CAST: variants seen among roughly 807,000 people sequenced by gnomAD.
CAST encodes the protein MIR583 host.
Under a neutral mutation model 119.6 loss-of-function variants are expected in CAST, and 76 were observed. That is an observed-to-expected ratio of 0.64 (90% CI 0.53 to 0.77). The LOEUF (loss-of-function observed/expected upper bound fraction) is 0.77. CAST is among the 30% of genes least tolerant of loss of function. CAST has a pLI of 0.00. For missense variants in CAST, 953 were observed against 946.5 expected (o/e 1.01, Z -0.09); for synonymous variants, 319 against 331.6 (o/e 0.96, Z 0.41).
chr5:96,208,125 A>ATTTTT, the CAST span, among the ~76,000 whole-genome samples: 2 of 132,606 alleles, frequency 1.5e-5, no homozygotes, highest in African/African-American at 5.5e-5. Context: ...ATAGCCTCTG[A>ATTTTT]TTTTTTTTTT....
At chr5:96,232,466 G>T in the CAST span, among the ~76,000 whole-genome samples, 1 of 152,056 alleles carries the variant, frequency 6.6e-6, no homozygotes, top group Non-Finnish European at 1.5e-5. Context: ...AATCTATGGG[G>T]ATCTGCAGAA....
At chr5:96,392,846 C>G in the CAST span, 2 of 745,424 alleles carry the variant, frequency 2.7e-6, no homozygotes, top group South Asian at 3.3e-5. Context: ...GAGCTCATCC[C>G]CTTCACATGT....
At chr5:96,214,268 A>G in the CAST span, among the ~76,000 whole-genome samples, 1 of 152,340 alleles carries the variant, frequency 6.6e-6, no homozygotes, top group South Asian at 2.1e-4. Context: ...CATGATGGCA[A>G]TCTATTTATA....
At chr5:96,348,908 AGGGT>A in the CAST span, among the ~76,000 whole-genome samples, 1 of 152,110 alleles carries the variant, frequency 6.6e-6, no homozygotes, top group Non-Finnish European at 1.5e-5. Context: ...ATGGGAAGTT[AGGGT>A]TAATTATGAG....
chr5:96,263,560 A>C, the CAST span, among the ~76,000 whole-genome samples: 1 of 152,008 alleles, frequency 6.6e-6, no homozygotes, highest in Non-Finnish European at 1.5e-5. Context: ...ACAAAGAGAA[A>C]AGAAGGATCC....
At chr5:96,336,954 G>A in the CAST span, among the ~76,000 whole-genome samples, 1 of 152,154 alleles carries the variant, frequency 6.6e-6, no homozygotes, top group East Asian at 1.9e-4. Context: ...CATTAATTCA[G>A]TAAATATTTA....
At chr5:96,286,461 A>G in the CAST span, among the ~76,000 whole-genome samples, 95 of 152,294 alleles carry the variant, frequency 6.2e-4, no homozygotes, top group Non-Finnish European at 1.2e-3. Flanking sequence ...AAAAGAATCA[A>G]TAGAATGTTT....
chr5:95,986,205 C>T, the CAST span: 5 of 152,182 alleles, frequency 3.3e-5, no homozygotes, highest in Non-Finnish European at 2.9e-5. Flanking sequence ...GCTTTCAGTG[C>T]TGTTACTTCT....
the CAST span, among the ~76,000 whole-genome samples, chr5:96,266,597 G>C: frequency 1.3e-5 from 2 of 152,124 alleles, no homozygotes; most frequent in African/African-American, 4.8e-5. Flanking sequence ...ACCTGGGCTT[G>C]AGGCACTATC....
the CAST span, among the ~76,000 whole-genome samples, chr5:96,369,807 T>G: frequency 6.6e-6 from 1 of 152,118 alleles, no homozygotes; most frequent in South Asian, 2.1e-4. Context: ...CCTTCTAAGC[T>G]CTCTTCACTG....
At chr5:96,482,964 A>G in the CAST span, among the ~76,000 whole-genome samples, 107,551 of 152,074 alleles carry the variant, frequency 0.71, 38,508 homozygotes, top group African/African-American at 0.81. Context: ...AAATACATCA[A>G]TCACTTCTGA....
intron 3 of CAST, among the ~76,000 whole-genome samples, chr5:96,717,472 T>C (rs1287267850): frequency 6.6e-6 from 1 of 152,226 alleles, no homozygotes; most frequent in Non-Finnish European, 1.5e-5. Flanking sequence ...CCAGCACTTA[T>C]CACTTGCCAA....
At chr5:96,644,230 C>A (rs980848105) in intron 1 of CAST, among the ~76,000 whole-genome samples, 1 of 152,124 alleles carries the variant, frequency 6.6e-6, no homozygotes, top group African/African-American at 2.4e-5. Flanking sequence ...TACTTCACAA[C>A]AAATTTGTCT....
the CAST span, among the ~76,000 whole-genome samples, chr5:96,441,775 T>A: frequency 1.3e-5 from 2 of 152,178 alleles, no homozygotes; most frequent in Admixed American, 1.3e-4. Context: ...AAAGGGGCAC[T>A]TTTTTATAAT....
At chr5:96,237,158 C>T in the CAST span, among the ~76,000 whole-genome samples, 4 of 152,138 alleles carry the variant, frequency 2.6e-5, no homozygotes, top group Admixed American at 6.6e-5. Flanking sequence ...AAAATGGATT[C>T]AGGTCTGTCC....
intron 1 of CAST, among the ~76,000 whole-genome samples, chr5:96,535,863 G>T (rs965029971): frequency 9.9e-5 from 15 of 151,514 alleles, no homozygotes; most frequent in Middle Eastern, 6.8e-3. Context: ...GTGAGCCACT[G>T]CACCTGGCCA....
the CAST span, among the ~76,000 whole-genome samples, chr5:95,986,077 T>G: frequency 6.6e-6 from 1 of 152,206 alleles, no homozygotes; most frequent in African/African-American, 2.4e-5. Context: ...TAAGAATGAC[T>G]GGTGATTTTG....
the CAST span, among the ~76,000 whole-genome samples, chr5:96,096,437 C>A: frequency 6.6e-6 from 1 of 152,086 alleles, no homozygotes; most frequent in African/African-American, 2.4e-5. Flanking sequence ...TCAATCCCTG[C>A]CACACAGAAA....
the CAST span, among the ~76,000 whole-genome samples, chr5:96,352,007 G>C: frequency 6.6e-6 from 1 of 152,114 alleles, no homozygotes; most frequent in African/African-American, 2.4e-5. Context: ...TTAGCCTCTA[G>C]AGTGTACCTC....
Sources: allele counts gnomAD v4.1 joint callset (sites outside exome capture counted in the v4.1 genomes callset), GRCh38; gene constraint gnomAD v4.1.1; transcripts MANE v1.5; gene names NCBI Gene and HGNC (gene_info 2026-07-23, HGNC 2026-07-21).